The following CCDC60 variants were observed in gnomAD, a reference collection of about 807,000 sequenced individuals.
CCDC60 encodes coiled-coil domain containing 60.
A neutral mutation model predicts 63.5 loss-of-function variants in CCDC60; 54 were observed. The ratio of observed to expected loss-of-function variants is 0.85; its 90% confidence interval spans 0.68 to 1.07. The LOEUF (loss-of-function observed/expected upper bound fraction) is 1.07. Ranked by LOEUF, CCDC60 falls within the 50% of genes least tolerant of loss-of-function variation. CCDC60 has a pLI of 0.00. For missense variants in CCDC60, 651 were observed against 684.3 expected, an observed-to-expected ratio of 0.95 and a Z score of 0.54; for synonymous variants, 206 against 238.8, an observed-to-expected ratio of 0.86 and a Z score of 1.27.
At chr12:119,343,402 C>T (rs1955551888) in intron 1 of CCDC60, among the ~76,000 whole-genome samples, 1 of 152,040 alleles carries the variant, frequency 6.6e-6, no homozygotes, top group Non-Finnish European at 1.5e-5. Flanking sequence ...ATAGGTTCAG[C>T]ATTGTCAGGG....
chr12:119,491,712 CTTT>C (rs34290377), intron 5 of CCDC60, among the ~76,000 whole-genome samples: 1 of 144,612 alleles, frequency 6.9e-6, no homozygotes. Flanking sequence ...AAAGCAATAT[CTTT>C]TTTTTTTTTT....
intron 2 of CCDC60, among the ~76,000 whole-genome samples, chr12:119,463,579 A>C (rs901910135): frequency 2.0e-5 from 3 of 152,288 alleles, no homozygotes; most frequent in Non-Finnish European, 4.4e-5. Context: ...CAAGAATGGA[A>C]AGATCAGGAG....
In CCDC60 at chr12:119,523,019, T is replaced by C. The variant is rs1952572270; in HGVS notation, c.1103+18T>C. ...TCTAAAAAGTAAGCCAGGAGGGCAA[T>C]GGAAGGAACCACGCAAGAGGGAATA... On this transcript the variant is annotated intron_variant, in intron 10 of 13. Coordinates refer to ENST00000327554, the MANE Select transcript of CCDC60 (RefSeq NM_178499.5). 1.9e-6 allele frequency: 3 copies of C among 1,611,430 alleles called. No individual in the cohort carries two copies. Among genetic ancestry groups the C allele is most frequent in the African/African-American group, 1.3e-5 (1 of 74,838 alleles).
chr12:119,509,947 C>T (rs1331365878), intron 7 of CCDC60, among the ~76,000 whole-genome samples: 1 of 152,098 alleles, frequency 6.6e-6, no homozygotes, highest in Non-Finnish European at 1.5e-5. Context: ...AAACGATGGA[C>T]CAAGAGAGCA....
chr12:119,530,835 A>C (rs1048403234), intron 12 of CCDC60, 39 bp from the exon 13 acceptor site: 1 of 1,571,836 alleles, frequency 6.4e-7, no homozygotes, highest in African/African-American at 1.4e-5. Flanking sequence ...CAGATCTTCC[A>C]GCAGCTTCCT....
intron 13 of CCDC60, among the ~76,000 whole-genome samples, chr12:119,537,300 C>T (rs974563388): frequency 3.9e-5 from 6 of 152,160 alleles, no homozygotes; most frequent in Non-Finnish European, 8.8e-5. Flanking sequence ...TATTCTAGTT[C>T]GCCATTCGTC....
At chr12:119,496,315 C>T (rs2136400006) in intron 5 of CCDC60, among the ~76,000 whole-genome samples, 1 of 152,370 alleles carries the variant, frequency 6.6e-6, no homozygotes, top group Non-Finnish European at 1.5e-5. Context: ...TGAATTGCCA[C>T]TGTGGATAGA....
chr12:119,540,469 T>G (rs1246636417), intron 13 of CCDC60, 145 bp from the exon 14 acceptor site: 1 of 650,798 alleles, frequency 1.5e-6, no homozygotes, highest in Non-Finnish European at 2.7e-6. Flanking sequence ...CCCAATCTGA[T>G]GCTCCAAGAT....
chr12:119,432,511 G>T (rs972901294), intron 2 of CCDC60, among the ~76,000 whole-genome samples: 4 of 152,194 alleles, frequency 2.6e-5, no homozygotes, highest in African/African-American at 9.7e-5. Context: ...CCTTCAGGTA[G>T]ATGAGGCCAA....
intron 7 of CCDC60, among the ~76,000 whole-genome samples, chr12:119,507,945 A>G (rs1057256444): frequency 6.6e-6 from 1 of 152,002 alleles, no homozygotes; most frequent in African/African-American, 2.4e-5. Flanking sequence ...AGGCAGGAGG[A>G]TGGCTTGAGT....
intron 1 of CCDC60, among the ~76,000 whole-genome samples, chr12:119,378,940 C>G (rs933393456): frequency 1.3e-5 from 2 of 152,160 alleles, no homozygotes; most frequent in African/African-American, 4.8e-5. Context: ...TGATAACAAT[C>G]AATGCTCAGC....
chr12:119,466,192 C>T (rs1950950926), intron 2 of CCDC60, among the ~76,000 whole-genome samples: 1 of 152,164 alleles, frequency 6.6e-6, no homozygotes, highest in South Asian at 2.1e-4. Flanking sequence ...CACTGACACC[C>T]CTCATCCCTG....
chr12:119,465,041 G>A (rs1011078898), intron 2 of CCDC60, among the ~76,000 whole-genome samples: 1 of 152,252 alleles, frequency 6.6e-6, no homozygotes, highest in African/African-American at 2.4e-5. Context: ...GCCAGGCGCG[G>A]TGGCTCATGC....
Position 119,540,547 on chromosome 12 carries a change from G to A in CCDC60, c.1552-67G>A. 11 of 1,084,224 alleles carry A rather than the reference G, an allele frequency of 1.0e-5. No individual in the cohort carries two copies. The East Asian group carries it at 2.6e-4, about 26-fold the overall frequency. The allele number at this position is 1,084,224 out of a possible 1,614,324, so 67.2% of individuals were successfully genotyped here. A position where few individuals can be genotyped will look rare whatever the true frequency, so the allele number is the denominator to read the frequency against. ...CACAAATCTTCCAGGATCTTGAGGGGAGGGAGAGAAGGTGGAGTCTACTTT... is the reference window on the plus strand; with the variant it reads ...CACAAATCTTCCAGGATCTTGAGGGAAGGGAGAGAAGGTGGAGTCTACTTT... On this transcript the variant is annotated intron_variant, in intron 13 of 13. Transcript: ENST00000327554.
chr12:119,503,121 G>C (rs942881764), intron 6 of CCDC60, among the ~76,000 whole-genome samples: 11 of 152,218 alleles, frequency 7.2e-5, no homozygotes, highest in Admixed American at 6.5e-4. Context: ...AGGTTGCAGT[G>C]AGCCAAGACT....
chr12:119,536,516 T>C (rs1335614907), intron 13 of CCDC60, among the ~76,000 whole-genome samples: 1 of 152,192 alleles, frequency 6.6e-6, no homozygotes, highest in Non-Finnish European at 1.5e-5. Flanking sequence ...GCATCGATGG[T>C]CTTTACAATT....
At chr12:119,415,983 C>T (rs2136206950) in intron 1 of CCDC60, among the ~76,000 whole-genome samples, 1 of 152,314 alleles carries the variant, frequency 6.6e-6, no homozygotes, top group East Asian at 1.9e-4. Flanking sequence ...CTCCCACTTC[C>T]TGTCTCTGTG....
At chr12:119,375,292 C>T (rs1266828016) in intron 1 of CCDC60, among the ~76,000 whole-genome samples, 1 of 152,136 alleles carries the variant, frequency 6.6e-6, no homozygotes, top group East Asian at 1.9e-4. Flanking sequence ...AAGCAAAAAA[C>T]CCTAATTTGC....
At chr12:119,356,689 A>T (rs1955722454) in intron 1 of CCDC60, among the ~76,000 whole-genome samples, 1 of 152,196 alleles carries the variant, frequency 6.6e-6, no homozygotes, top group South Asian at 2.1e-4. Context: ...CCAAAGATAA[A>T]ATTCCTAGCA....
Sources: gnomAD v4.1 joint callset for allele counts (sites outside exome capture counted in the v4.1 genomes callset) on GRCh38, gnomAD v4.1.1 for gene constraint, MANE v1.5 for transcripts, NCBI Gene and HGNC (gene_info 2026-07-23, HGNC 2026-07-21) for gene names.